KCNIP4: variants seen among roughly 807,000 people sequenced by gnomAD.
KCNIP4 encodes the protein potassium voltage-gated channel interacting protein 4, also known as Kv channel-interacting protein 4.
KCNIP4 carries 12 observed loss-of-function variants against 34.0 expected under a neutral mutation model. The observed-to-expected ratio is 0.35, with a 90% CI of 0.23 to 0.57. The LOEUF (loss-of-function observed/expected upper bound fraction) is 0.57, where lower values mean the gene tolerates loss of function less well. Ranked by LOEUF, KCNIP4 falls within the 20% of genes least tolerant of loss-of-function variation. KCNIP4 has a pLI of 0.83. For missense variants in KCNIP4, 238 were observed against 311.7 expected (o/e 0.76, Z 1.78); for synonymous variants, 124 against 102.2 (o/e 1.21, Z -1.29).
At chr4:21,908,097 A>G (rs1216846884) in intron 1 of KCNIP4, among the ~76,000 whole-genome samples, 2 of 152,142 alleles carry the variant, frequency 1.3e-5, no homozygotes, top group African/African-American at 4.8e-5. Context: ...ATAAAAATAA[A>G]TAGAATTCCA....
At chr4:21,178,887 A>G (rs977823253) in intron 1 of KCNIP4, among the ~76,000 whole-genome samples, 4 of 147,270 alleles carry the variant, frequency 2.7e-5, no homozygotes, top group African/African-American at 1.0e-4. Context: ...GCATGATCTC[A>G]GCTCACTGCA....
chr4:20,825,898 T>C, intron 3 of KCNIP4, among the ~76,000 whole-genome samples: 1 of 152,146 alleles, frequency 6.6e-6, no homozygotes, highest in East Asian at 1.9e-4. Context: ...ACCAAGGGAG[T>C]TGACAATAGT....
At chr4:21,018,969 G>A (rs1434909209) in intron 1 of KCNIP4, among the ~76,000 whole-genome samples, 1 of 151,984 alleles carries the variant, frequency 6.6e-6, no homozygotes, top group Non-Finnish European at 1.5e-5. Flanking sequence ...ACCACACATC[G>A]GGTGGCTTAA....
chr4:21,764,226 T>G (rs1206290459), intron 1 of KCNIP4, among the ~76,000 whole-genome samples: 1 of 152,118 alleles, frequency 6.6e-6, no homozygotes, highest in African/African-American at 2.4e-5. Flanking sequence ...GGGTACAGAC[T>G]GGCAATTCTC....
At chr4:21,336,641 T>C (rs541732364) in intron 1 of KCNIP4, among the ~76,000 whole-genome samples, 8 of 152,142 alleles carry the variant, frequency 5.3e-5, no homozygotes, top group African/African-American at 1.9e-4. Flanking sequence ...ATGCAAAACA[T>C]GATATAGTGG....
rs151197052 is a variant in KCNIP4 at position 21,260,096 on chromosome 4, G to T, written c.62-377387C>A. ...GTAATTTAAACGGAGAAGGTGAGAT[G>T]GTCAGGAATTTAGTTCTGAGAGTTT... is the stretch of plus-strand genomic sequence containing the variant. On this transcript the variant is annotated intron_variant, in intron 1 of 8. Transcript: ENST00000382152. Among the ~76,000 whole-genome samples the T allele has an allele frequency of 1.4e-3, 217 of 152,138 alleles. 1 individual carries two copies. The highest frequency in any genetic ancestry group is 4.9e-3 in the African/African-American group (203 of 41,516).
chr4:21,094,024 G>A (rs1747247365), intron 1 of KCNIP4, among the ~76,000 whole-genome samples: 1 of 151,996 alleles, frequency 6.6e-6, no homozygotes, highest in Non-Finnish European at 1.5e-5. Context: ...AGAGCTTGCA[G>A]TGAGCCAAGA....
At chr4:20,814,253 A>G (rs1457181922) in intron 3 of KCNIP4, among the ~76,000 whole-genome samples, 1 of 152,220 alleles carries the variant, frequency 6.6e-6, no homozygotes, top group East Asian at 1.9e-4. Flanking sequence ...TTTGAGAACC[A>G]CTGATATTTA....
At chr4:21,204,303 G>A (rs1294306012) in intron 1 of KCNIP4, among the ~76,000 whole-genome samples, 1 of 152,040 alleles carries the variant, frequency 6.6e-6, no homozygotes, top group Non-Finnish European at 1.5e-5. Context: ...TAGAATATTG[G>A]GAGTCCCTGG....
chr4:21,730,405 T>A (rs751308113), intron 1 of KCNIP4, among the ~76,000 whole-genome samples: 3 of 152,174 alleles, frequency 2.0e-5, no homozygotes, highest in Non-Finnish European at 4.4e-5. Context: ...TAAGTCCATG[T>A]ATAGCCCAGT....
chr4:21,150,065 G>C (rs1337204655), intron 1 of KCNIP4, among the ~76,000 whole-genome samples: 1 of 152,176 alleles, frequency 6.6e-6, no homozygotes, highest in African/African-American at 2.4e-5. Context: ...AGAATTGCCT[G>C]TCACGGTCAG....
At chr4:21,047,788 T>G (rs1742566405) in intron 1 of KCNIP4, among the ~76,000 whole-genome samples, 1 of 152,262 alleles carries the variant, frequency 6.6e-6, no homozygotes, top group African/African-American at 2.4e-5. Flanking sequence ...ATTCATTTGC[T>G]AATAAAATCT....
intron 1 of KCNIP4, among the ~76,000 whole-genome samples, chr4:21,869,123 G>T (rs1158809122): frequency 6.6e-6 from 1 of 151,956 alleles, no homozygotes; most frequent in African/African-American, 2.4e-5. Context: ...TATCCTATTT[G>T]CTTGAGGGAC....
At chr4:21,560,541 G>A (rs543694855) in intron 1 of KCNIP4, among the ~76,000 whole-genome samples, 1 of 152,000 alleles carries the variant, frequency 6.6e-6, no homozygotes, top group Non-Finnish European at 1.5e-5. Flanking sequence ...TCAGCAGCAA[G>A]ATTTTATTTA....
rs184003604 is a variant in KCNIP4, at chr4:21,494,599, C to G, written c.61+453972G>C. 2.7e-3 allele frequency among the ~76,000 whole-genome samples: 413 copies of G among 151,784 alleles called. 2 individuals carry two copies. Among genetic ancestry groups the G allele is most frequent in the Non-Finnish European group, 4.0e-3 (271 of 67,918 alleles). On this transcript the variant is annotated intron_variant, in intron 1 of 8. Transcript: ENST00000382152. ...ACCAGCTTGGCCAACATAGTGAAAC[C>G]CTGTCTGTACTAAAAATACAAAAAT... is the stretch of plus-strand genomic sequence containing the variant.
At chr4:21,289,366 G>A (rs1194287762) in intron 1 of KCNIP4, among the ~76,000 whole-genome samples, 1 of 151,978 alleles carries the variant, frequency 6.6e-6, no homozygotes, top group East Asian at 1.9e-4. Context: ...TCATCCTCTT[G>A]TGCTATCAAA....
At chr4:21,192,627 T>C (rs1755733933) in intron 1 of KCNIP4, among the ~76,000 whole-genome samples, 1 of 152,078 alleles carries the variant, frequency 6.6e-6, no homozygotes, top group African/African-American at 2.4e-5. Context: ...AAACATAAGT[T>C]CCATAACAAA....
chr4:21,383,121 C>T (rs1721673066), intron 1 of KCNIP4, among the ~76,000 whole-genome samples: 1 of 152,104 alleles, frequency 6.6e-6, no homozygotes, highest in Non-Finnish European at 1.5e-5. Context: ...AAGATCAAGA[C>T]TCAGCAAGAA....
At chr4:21,684,136 A>G (rs1441350148) in intron 1 of KCNIP4, among the ~76,000 whole-genome samples, 1 of 152,176 alleles carries the variant, frequency 6.6e-6, no homozygotes, top group African/African-American at 2.4e-5. Flanking sequence ...AAAAAAAATA[A>G]ATCTGTAAAG....
Sources: allele counts gnomAD v4.1 joint callset (sites outside exome capture counted in the v4.1 genomes callset), GRCh38; gene constraint gnomAD v4.1.1; transcripts MANE v1.5; gene names NCBI Gene and HGNC (gene_info 2026-07-23, HGNC 2026-07-21).